Variants in MREG observed in about 807,000 individuals in gnomAD.
MREG encodes dilute suppressor protein homolog.
In MREG, 31 loss-of-function variants were observed where a neutral mutation model predicts 28.5. The ratio of observed to expected loss-of-function variants is 1.09; its 90% confidence interval spans 0.82 to 1.47. MREG has a LOEUF of 1.47. MREG is among the 40% of genes most tolerant of loss of function. The probability of loss-of-function intolerance (pLI) is 0.00; values close to 1 mark genes in which losing one functional copy is unlikely to be tolerated. For synonymous variants in MREG, 106 were observed against 95.2 expected, an observed-to-expected ratio of 1.11 and a Z score of -0.66; for missense variants, 256 against 257.4, an observed-to-expected ratio of 0.99 and a Z score of 0.04.
chr2:216,027,759 G>A (rs929839167), intron 1 of MREG, among the ~76,000 whole-genome samples: 5 of 152,162 alleles, frequency 3.3e-5, no homozygotes, highest in African/African-American at 7.2e-5. Flanking sequence ...AACAGAAAGT[G>A]TCAGTTTAAA....
intron 2 of MREG, among the ~76,000 whole-genome samples, chr2:215,950,247 ATC>A (rs1218270570): frequency 2.0e-5 from 3 of 152,198 alleles, no homozygotes; most frequent in African/African-American, 7.2e-5. Flanking sequence ...ATGCAGCCAA[ATC>A]TCTGTTTTTC....
intron 2 of MREG, among the ~76,000 whole-genome samples, chr2:215,996,008 G>A (rs1045674499): frequency 5.9e-5 from 9 of 152,146 alleles, no homozygotes; most frequent in Non-Finnish European, 8.8e-5. Context: ...AGAGATGGAC[G>A]GTTTAAGCCA....
At chr2:215,999,967 A>G (rs1693972425) in intron 1 of MREG, among the ~76,000 whole-genome samples, 1 of 152,208 alleles carries the variant, frequency 6.6e-6, no homozygotes, top group Admixed American at 6.5e-5. Flanking sequence ...TTGGAGAAGG[A>G]AGAGAATAGG....
intron 1 of MREG, among the ~76,000 whole-genome samples, chr2:215,997,773 AG>A (rs1209371917): frequency 6.6e-6 from 1 of 152,208 alleles, no homozygotes; most frequent in Admixed American, 6.5e-5. Flanking sequence ...TGGAAAAACA[AG>A]AACAGAGTTG....
chr2:215,969,748 C>A (rs763743199), intron 2 of MREG, among the ~76,000 whole-genome samples: 2 of 151,938 alleles, frequency 1.3e-5, no homozygotes, highest in Non-Finnish European at 2.9e-5. Flanking sequence ...ACTCTACTTA[C>A]AACATGTGCA....
intron 1 of MREG, among the ~76,000 whole-genome samples, chr2:216,007,156 A>G (rs923881930): frequency 6.6e-6 from 1 of 152,224 alleles, no homozygotes; most frequent in Non-Finnish European, 1.5e-5. Context: ...GGACATAATT[A>G]CAGCCAATCT....
At chr2:216,001,501 C>T (rs556949204) in intron 1 of MREG, among the ~76,000 whole-genome samples, 11 of 152,346 alleles carry the variant, frequency 7.2e-5, no homozygotes, top group Admixed American at 5.2e-4. Flanking sequence ...CTCGTGGCTA[C>T]GAAGCAGCCT....
At chr2:215,994,707 G>A (rs777940647) in intron 2 of MREG, among the ~76,000 whole-genome samples, 5 of 149,696 alleles carry the variant, frequency 3.3e-5, no homozygotes, top group Admixed American at 1.3e-4. Context: ...GACACAATGG[G>A]CCACTTTAGA....
intron 2 of MREG, among the ~76,000 whole-genome samples, chr2:215,963,466 G>C (rs867504527): frequency 9.9e-5 from 14 of 141,790 alleles, no homozygotes; most frequent in African/African-American, 3.4e-4. Flanking sequence ...CAAAAAAACA[G>C]AGTTTTTATA....
chr2:216,000,875 A>C (rs1434357206), intron 1 of MREG, among the ~76,000 whole-genome samples: 1 of 152,238 alleles, frequency 6.6e-6, no homozygotes, highest in Non-Finnish European at 1.5e-5. Context: ...ACGTTAGACC[A>C]TGAATAATCT....
chr2:215,940,746 C>T (rs557598289), downstream of MREG, among the ~76,000 whole-genome samples: 3 of 152,160 alleles, frequency 2.0e-5, no homozygotes, highest in East Asian at 5.8e-4. Flanking sequence ...GGAAGACAGG[C>T]TTGGGGAAAG....
chr2:216,011,939 A>G (rs1376240731), intron 1 of MREG, among the ~76,000 whole-genome samples: 5 of 152,228 alleles, frequency 3.3e-5, no homozygotes, highest in Non-Finnish European at 7.3e-5. Flanking sequence ...CTCCCTACAC[A>G]CAATAATCTA....
intron 1 of MREG, among the ~76,000 whole-genome samples, chr2:216,019,492 T>C (rs893293713): frequency 3.3e-5 from 5 of 152,032 alleles, no homozygotes; most frequent in Admixed American, 1.3e-4. Context: ...CAAAGGACTT[T>C]CTAAATTTTC....
chr2:216,023,814 C>A lies in MREG; in HGVS notation c.-68+8975G>T, dbSNP rs567293308. Among the ~76,000 whole-genome samples the A allele has an allele frequency of 1.2e-4, 19 of 152,140 alleles. No individual in the cohort carries two copies. The Middle Eastern group carries it at 0.014, about 109-fold the overall frequency. ...TCCTGAGTAGCTGGGATTACAGGCA[C>A]CCACGACCATGCCCAGTTAATTTTT... On this transcript the variant is annotated intron_variant, in intron 1 of 3. Coordinates refer to the MREG transcript ENST00000420348.
intron 2 of MREG, among the ~76,000 whole-genome samples, chr2:215,992,378 G>A (rs968694859): frequency 2.6e-5 from 4 of 152,150 alleles, no homozygotes; most frequent in Non-Finnish European, 4.4e-5. Context: ...AATAAACTAG[G>A]TATTGATGGA....
At chr2:215,999,479 A>G (rs78122671) in intron 1 of MREG, among the ~76,000 whole-genome samples, 3,249 of 152,286 alleles carry the variant, frequency 0.021, 110 homozygotes, top group African/African-American at 0.074. Flanking sequence ...TCTCTGGAAG[A>G]GATAGAAAGA....
chr2:216,015,273 CTG>C (rs1416167009), upstream of MREG, among the ~76,000 whole-genome samples: 1 of 152,048 alleles, frequency 6.6e-6, no homozygotes, highest in Non-Finnish European at 1.5e-5. Flanking sequence ...CTCGCTGAGA[CTG>C]TGACATGTAA....
At chr2:215,988,681 A>C (rs1447169682) in intron 2 of MREG, among the ~76,000 whole-genome samples, 1 of 152,244 alleles carries the variant, frequency 6.6e-6, no homozygotes, top group Non-Finnish European at 1.5e-5. Context: ...TCTGAAGTTG[A>C]CCTGGGATGC....
chr2:215,940,011 T>C (rs193257841), downstream of MREG, among the ~76,000 whole-genome samples: 107 of 152,346 alleles, frequency 7.0e-4, no homozygotes, highest in Middle Eastern at 3.4e-3. Flanking sequence ...CCAAATTTAT[T>C]ATCTTTAAAT....
Sources: gnomAD v4.1 joint callset for allele counts (sites outside exome capture counted in the v4.1 genomes callset) on GRCh38, gnomAD v4.1.1 for gene constraint, MANE v1.5 for transcripts, NCBI Gene and HGNC (gene_info 2026-07-23, HGNC 2026-07-21) for gene names.